PRDM11: variants seen among roughly 807,000 people sequenced by gnomAD.
PRDM11 encodes PR domain-containing protein 11.
In PRDM11, 20 loss-of-function variants were observed where a neutral mutation model predicts 97.8. That is an observed-to-expected ratio of 0.20 (90% CI 0.14 to 0.30). PRDM11 has a LOEUF of 0.30. PRDM11 is among the 10% of genes least tolerant of loss of function. The probability of loss-of-function intolerance (pLI) is 1.00; values close to 1 mark genes in which losing one functional copy is unlikely to be tolerated. For missense variants in PRDM11, 1,139 were observed against 1,555.2 expected, an observed-to-expected ratio of 0.73 and a Z score of 4.50; for synonymous variants, 599 against 637.7, an observed-to-expected ratio of 0.94 and a Z score of 0.91.
chr11:45,131,843 T>C (rs1852728182), intron 1 of PRDM11, among the ~76,000 whole-genome samples: 3 of 152,204 alleles, frequency 2.0e-5, no homozygotes, highest in African/African-American at 7.2e-5. Flanking sequence ...AGTCCAAAGA[T>C]AGGGCAATTT....
chr11:45,195,567 T>TC (rs1051703798), intron 4 of PRDM11, among the ~76,000 whole-genome samples: 3 of 151,754 alleles, frequency 2.0e-5, no homozygotes, highest in Non-Finnish European at 4.4e-5. Flanking sequence ...TTACTTTCTT[T>TC]CTTTTTTTTT....
intron 4 of PRDM11, among the ~76,000 whole-genome samples, chr11:45,202,269 G>T (rs1428597238): frequency 6.6e-6 from 1 of 152,178 alleles, no homozygotes; most frequent in Non-Finnish European, 1.5e-5. Flanking sequence ...TTAGCTTACG[G>T]TCTAGCCAGG....
At position 45,227,615 on chromosome 11, in the gene PRDM11, G is replaced by T; in HGVS notation, c.2990G>T (p.Ser997Ile). 1 of 1,533,942 alleles carries T rather than the reference G, an allele frequency of 6.5e-7. No individual in the cohort carries two copies. The highest frequency in any genetic ancestry group is 8.7e-7 in the Non-Finnish European group (1 of 1,146,736). The change falls in exon 8 of 8, where the codon AGC becomes ATC. Residue 997 changes from serine to isoleucine, a missense_variant. Around this residue, in one of 2 missense-constraint regions of PRDM11, gnomAD observed 710 missense variants for 1,044.9 expected, o/e 0.68. Transcript: ENST00000683152. This position sits in a 1 kb window ranked among gnomAD's most constrained non-coding sequence, Gnocchi z 8.0. ...QVFDLAAWPR[S>I]SEELMSYGKE... Reference sequence around the variant, plus strand: ...TTTGACCTGGCTGCCTGGCCCAGGAGCAGTGAGGAGCTGATGAGCTATGGC... The same window carrying T: ...TTTGACCTGGCTGCCTGGCCCAGGATCAGTGAGGAGCTGATGAGCTATGGC...
intron 4 of PRDM11, 144 bp from the exon 5 acceptor site, chr11:45,204,567 T>A: frequency 1.4e-6 from 1 of 720,348 alleles, no homozygotes. Context: ...CAGCCTGCAT[T>A]TCAGTTCTGT....
intron 5 of PRDM11, among the ~76,000 whole-genome samples, chr11:45,218,834 C>T (rs1854029899): frequency 6.6e-6 from 1 of 152,166 alleles, no homozygotes; most frequent in Admixed American, 6.5e-5. Flanking sequence ...GCTTTACATG[C>T]CCACATAGGA....
intron 1 of PRDM11, among the ~76,000 whole-genome samples, chr11:45,153,371 A>G (rs1851707732): frequency 2.0e-5 from 3 of 152,224 alleles, no homozygotes; most frequent in Admixed American, 2.0e-4. Flanking sequence ...TCTGAGCAGG[A>G]GGCTGTCCCT....
intron 1 of PRDM11, among the ~76,000 whole-genome samples, chr11:45,162,475 C>T (rs1173399889): frequency 6.6e-6 from 1 of 152,178 alleles, no homozygotes; most frequent in Non-Finnish European, 1.5e-5. Context: ...TGCTGGGTCA[C>T]ACCAAAGAAA....
chr11:45,222,379 T>C (rs553874439), intron 6 of PRDM11, among the ~76,000 whole-genome samples: 2 of 152,336 alleles, frequency 1.3e-5, no homozygotes, highest in South Asian at 4.1e-4. Context: ...GATTTCCCGA[T>C]GTCCTCAGTT....
At chr11:45,142,658 G>A (rs953636940), upstream of PRDM11, among the ~76,000 whole-genome samples, 2 of 152,170 alleles carry the variant, frequency 1.3e-5, no homozygotes, top group African/African-American at 4.8e-5. Flanking sequence ...GCAAAAAATG[G>A]CGATGATGAT....
chr11:45,185,126 A>G (rs1852657587), intron 4 of PRDM11, among the ~76,000 whole-genome samples: 1 of 152,194 alleles, frequency 6.6e-6, no homozygotes, highest in Non-Finnish European at 1.5e-5. Context: ...CCGTGGATTT[A>G]CTACCAGGGA....
intron 1 of PRDM11, among the ~76,000 whole-genome samples, chr11:45,104,835 C>G (rs1237815478): frequency 6.6e-6 from 1 of 152,162 alleles, no homozygotes; most frequent in African/African-American, 2.4e-5. Flanking sequence ...GTTGGGTTCT[C>G]GATGCCTTGT....
chr11:45,147,352 GGACGCCCTCGGCCCCGCGC>G (rs1189060876), intron 1 of PRDM11: 3 of 152,036 alleles, frequency 2.0e-5, no homozygotes, highest in African/African-American at 7.2e-5. Flanking sequence ...TAGTTCTCGC[GGACGCCCTCGGCCCCGCGC>G]CGGGGGCTGC....
At chr11:45,199,266 C>G (rs185154734) in intron 4 of PRDM11, among the ~76,000 whole-genome samples, 1 of 152,198 alleles carries the variant, frequency 6.6e-6, no homozygotes. Context: ...TCCCTGCTAG[C>G]AAATCATCCC....
At chr11:45,170,738 T>G (rs937298672) in intron 1 of PRDM11, among the ~76,000 whole-genome samples, 2 of 152,168 alleles carry the variant, frequency 1.3e-5, no homozygotes, top group African/African-American at 2.4e-5. Context: ...AGGTACACCC[T>G]GACTGTGGGT....
At chr11:45,117,226 CAAAAAA>C (rs34073689) in intron 1 of PRDM11, among the ~76,000 whole-genome samples, 2 of 82,262 alleles carry the variant, frequency 2.4e-5, no homozygotes, top group African/African-American at 1.0e-4. Context: ...GACTCCATCT[CAAAAAA>C]AAAAAAAAAA....
intron 1 of PRDM11, among the ~76,000 whole-genome samples, chr11:45,096,426 T>C (rs1851887880): frequency 6.6e-6 from 1 of 152,166 alleles, no homozygotes; most frequent in Non-Finnish European, 1.5e-5. Flanking sequence ...TTTTTTCACA[T>C]CTAGAAACTG....
intron 1 of PRDM11, among the ~76,000 whole-genome samples, chr11:45,178,799 C>T (rs140991697): frequency 6.6e-6 from 1 of 152,220 alleles, no homozygotes; most frequent in Non-Finnish European, 1.5e-5. Flanking sequence ...CTCCTAGTAC[C>T]TGGCTTGTCT....
Position 45,227,776 on chromosome 11 carries a change from A to G in PRDM11, c.3151A>G (p.Lys1051Glu), listed in dbSNP as rs1182460786. The G allele has an allele frequency of 6.5e-7, 1 of 1,533,266 alleles. No individual in the cohort carries two copies. Among genetic ancestry groups the G allele is most frequent in the African/African-American group, 1.4e-5 (1 of 72,950 alleles). The allele number at this position is 1,533,266 out of a possible 1,614,324, so 95.0% of individuals were successfully genotyped here. The change falls in exon 8 of 8, where the codon AAA (lysine) becomes GAA (glutamate). Residue 1051 changes from lysine (K) to glutamate (E), a missense_variant. Lys to Glu is a moderately conservative substitution (Grantham distance 56). This residue lies in a region of PRDM11 where 710 missense variants were observed against 1,044.9 expected (regional missense o/e 0.68). Transcript: ENST00000683152. This position sits in a 1 kb window ranked among gnomAD's most constrained non-coding sequence, Gnocchi z 8.0. ...AGAACTCAAGGCTGATTACTACACCAAAAATGGCTTCAAAGACCTGATCAG... is the reference window on the plus strand; with the variant it reads ...AGAACTCAAGGCTGATTACTACACCGAAAATGGCTTCAAAGACCTGATCAG... ...WRELKADYYT[K>E]NGFKDLISHI... is the part of the protein sequence containing the mutation.
At position 45,114,276 on chromosome 11, in the gene PRDM11, T is replaced by C. The variant is rs551861240; in HGVS notation, c.96+18375T>C. 3.9e-5 allele frequency among the ~76,000 whole-genome samples: 6 copies of C among 152,182 alleles called. No homozygotes were observed. In the South Asian group the frequency reaches 1.2e-3, roughly 32 times the overall value. ...AACAAGAACCAAATAGAAATAGAAA[T>C]TCTAGACTTGAAAAGTACCATATAT... On this transcript the variant is annotated intron_variant, in intron 1 of 6. Coordinates refer to the PRDM11 transcript ENST00000530656.
Sources: gnomAD v4.1 joint callset for allele counts (sites outside exome capture counted in the v4.1 genomes callset) on GRCh38, gnomAD v4.1.1 for gene constraint, gnomAD v4.1.1 regional missense constraint, Gnocchi (gnomAD v3.1) non-coding constraint, MANE v1.5 for transcripts, NCBI Gene and HGNC (gene_info 2026-07-23, HGNC 2026-07-21) for gene names.